The following GALNT18 variants were observed in gnomAD, a reference collection of about 807,000 sequenced individuals.
GALNT18 encodes GalNAc-transferase 18.
A neutral mutation model predicts 69.5 loss-of-function variants in GALNT18; 44 were observed. That is an observed-to-expected ratio of 0.63 (90% CI 0.50 to 0.81). GALNT18 has a LOEUF of 0.81. GALNT18 is among the 40% of genes least tolerant of loss of function. GALNT18 has a pLI of 0.00. For missense variants in GALNT18, 715 were observed against 810.0 expected (o/e 0.88, Z 1.42); for synonymous variants, 364 against 318.2 (o/e 1.14, Z -1.53).
intron 6 of GALNT18, among the ~76,000 whole-genome samples, chr11:11,368,341 T>C (rs1005206252): frequency 1.7e-4 from 26 of 152,228 alleles, no homozygotes; most frequent in African/African-American, 5.5e-4. Context: ...AATCTGAGGA[T>C]TGGTGTCTTT....
At chr11:11,286,816 G>T (rs1230224338) in intron 10 of GALNT18, among the ~76,000 whole-genome samples, 2 of 152,154 alleles carry the variant, frequency 1.3e-5, no homozygotes, top group Non-Finnish European at 2.9e-5. Context: ...GTGATTAAGA[G>T]TGTCATTCTC....
chr11:11,461,045 G>A lies in GALNT18; in HGVS notation c.236-12109C>T, dbSNP rs916144878. Among the ~76,000 whole-genome samples, 9 of 152,170 alleles carry A rather than the reference G, an allele frequency of 5.9e-5. No individual in the cohort carries two copies. The highest frequency in any genetic ancestry group is 2.2e-4 in the African/African-American group (9 of 41,420). On this transcript the variant is annotated intron_variant, in intron 1 of 10. Transcript: ENST00000227756. This position sits in a 1 kb window ranked among gnomAD's most constrained non-coding sequence, Gnocchi z 4.1. ...GGCTAGGACTCAGGAAGGGTGGTGG[G>A]TCCCAGCAAAAGACCAGAGTCAGTT...
intron 1 of GALNT18, among the ~76,000 whole-genome samples, chr11:11,548,261 A>T (rs1392727271): frequency 1.3e-5 from 2 of 152,244 alleles, no homozygotes; most frequent in African/African-American, 4.8e-5. Context: ...GCACAGGCTG[A>T]CATTTCCAAT....
chr11:11,519,404 A>T (rs1857346849), intron 1 of GALNT18, among the ~76,000 whole-genome samples: 1 of 152,144 alleles, frequency 6.6e-6, no homozygotes, highest in Non-Finnish European at 1.5e-5. Context: ...TTGTTCACGG[A>T]AGAGCACAGC....
chr11:11,404,520 C>T lies in GALNT18; in HGVS notation c.596-25256G>A, dbSNP rs1176775307. Among the ~76,000 whole-genome samples the T allele has an allele frequency of 1.3e-5, 2 of 152,132 alleles. No individual in the cohort carries two copies. The highest frequency in any genetic ancestry group is 2.4e-5 in the African/African-American group (1 of 41,420). On this transcript the variant is annotated intron_variant, in intron 3 of 10. Transcript: ENST00000227756. This position sits in a 1 kb window ranked among gnomAD's most constrained non-coding sequence, Gnocchi z 4.5. ...CGCCCAGGGAGTGAGCCAAACATTC[C>T]ATGTTATAGAAGTAAGGAGAGTCAC...
At position 11,438,845 on chromosome 11, in the gene GALNT18, C is replaced by T. The variant is rs562123923; in HGVS notation, c.429-6058G>A. On this transcript the variant is annotated intron_variant, in intron 2 of 10. Coordinates refer to ENST00000227756, the MANE Select transcript of GALNT18 (RefSeq NM_198516.3). Reference sequence around the variant, plus strand: ...ACATGGACAAATACGATCAACACTACTGAGTCTTTGAAGCCCAACATGGTC... The same window carrying T: ...ACATGGACAAATACGATCAACACTATTGAGTCTTTGAAGCCCAACATGGTC... 3.3e-5 allele frequency among the ~76,000 whole-genome samples: 5 copies of T among 152,280 alleles called. No homozygotes were observed. In the South Asian group the frequency reaches 8.3e-4, roughly 25 times the overall value.
chr11:11,617,188 A>T lies in GALNT18; in HGVS notation c.235+4171T>A, dbSNP rs1860075359. 6.6e-6 allele frequency among the ~76,000 whole-genome samples: 1 copy of T among 152,250 alleles called. No homozygotes were observed. The highest frequency in any genetic ancestry group is 1.5e-5 in the Non-Finnish European group (1 of 68,044). On this transcript the variant is annotated intron_variant, in intron 1 of 10. Transcript: ENST00000227756. This position sits in a 1 kb window ranked among gnomAD's most constrained non-coding sequence, Gnocchi z 4.7. ...TAGCAAATGAATGTACATTTTGGAA[A>T]ACATTAAAATAAAAATATTTAATTG...
At chr11:11,300,005 A>G (rs1849466738) in intron 9 of GALNT18, among the ~76,000 whole-genome samples, 1 of 152,256 alleles carries the variant, frequency 6.6e-6, no homozygotes. Flanking sequence ...ACTGAGATGC[A>G]AAAATCATGG....
intron 10 of GALNT18, among the ~76,000 whole-genome samples, chr11:11,272,979 A>G (rs1295613086): frequency 6.6e-6 from 1 of 150,864 alleles, no homozygotes; most frequent in African/African-American, 2.4e-5. Flanking sequence ...ATTGCCTGAG[A>G]AAATGCAAAA....
chr11:11,313,705 G>A (rs777493424), intron 9 of GALNT18, among the ~76,000 whole-genome samples: 1 of 152,126 alleles, frequency 6.6e-6, no homozygotes, highest in Non-Finnish European at 1.5e-5. Context: ...TCCAAACCAG[G>A]TTCTACCACT....
rs1441235432 is a variant in GALNT18, at chr11:11,387,422, A to AG, written c.596-8159dup. Among the ~76,000 whole-genome samples the AG allele has an allele frequency of 6.6e-6, 1 of 152,128 alleles. No homozygotes were observed. The highest frequency in any genetic ancestry group is 2.4e-5 in the African/African-American group (1 of 41,436). ...TGCCACCCCATCCCTCCAGTTGCCCAGGAGGGGAGTGGGAACACCCCACCC... is the reference window on the plus strand; with the variant it reads ...TGCCACCCCATCCCTCCAGTTGCCCAGGGAGGGGAGTGGGAACACCCCACCC... On this transcript the variant is annotated intron_variant, in intron 3 of 10. Coordinates refer to ENST00000227756, the MANE Select transcript of GALNT18 (RefSeq NM_198516.3). The surrounding 1 kb of genome is among the most constrained non-coding windows in gnomAD (Gnocchi z 4.6).
chr11:11,509,844 A>T (rs1435227033), intron 1 of GALNT18, among the ~76,000 whole-genome samples: 1 of 152,244 alleles, frequency 6.6e-6, no homozygotes, highest in Non-Finnish European at 1.5e-5. Flanking sequence ...AAACTGAAAG[A>T]TCCTGTTCAT....
intron 1 of GALNT18, among the ~76,000 whole-genome samples, chr11:11,577,015 T>C (rs988828328): frequency 6.6e-6 from 1 of 152,162 alleles, no homozygotes; most frequent in African/African-American, 2.4e-5. Context: ...TTCCTGCCTT[T>C]GAGACTGTCA....
At chr11:11,551,405 C>A (rs1474160468) in intron 1 of GALNT18, among the ~76,000 whole-genome samples, 3 of 152,156 alleles carry the variant, frequency 2.0e-5, no homozygotes, top group African/African-American at 7.2e-5. Flanking sequence ...GACTTCCCTT[C>A]CACCATTAGA....
chr11:11,450,694 T>C (rs556599376), intron 1 of GALNT18, among the ~76,000 whole-genome samples: 1 of 152,312 alleles, frequency 6.6e-6, no homozygotes, highest in East Asian at 1.9e-4. Context: ...GGGATAACCA[T>C]CAGAGCTAAC....
At chr11:11,279,011 T>C (rs574644442) in intron 10 of GALNT18, among the ~76,000 whole-genome samples, 1 of 152,340 alleles carries the variant, frequency 6.6e-6, no homozygotes, top group African/African-American at 2.4e-5. Flanking sequence ...TCTGGATATT[T>C]GTTGAATGTG....
In GALNT18 at chr11:11,571,500, G is replaced by A. The variant is rs1858792736; in HGVS notation, c.235+49859C>T. Among the ~76,000 whole-genome samples the A allele has an allele frequency of 2.0e-5, 3 of 152,224 alleles. No individual in the cohort carries two copies. In the South Asian group the frequency reaches 6.2e-4, roughly 32 times the overall value. The stretch of plus-strand genomic sequence containing the variant: ...CTCTAGTCCTCTAATGACTAGGTCA[G>A]ATCAAAGTCAGAGTTCCCAGTGAAC... On this transcript the variant is annotated intron_variant, in intron 1 of 10. Coordinates refer to ENST00000227756, the MANE Select transcript of GALNT18 (RefSeq NM_198516.3).
intron 10 of GALNT18, among the ~76,000 whole-genome samples, chr11:11,285,980 T>C (rs1480756433): frequency 6.6e-6 from 1 of 152,118 alleles, no homozygotes; most frequent in Non-Finnish European, 1.5e-5. Flanking sequence ...GTCTTGAAAA[T>C]TTCTCCTTTC....
intron 3 of GALNT18, among the ~76,000 whole-genome samples, chr11:11,431,844 A>C (rs1256859343): frequency 6.6e-6 from 1 of 152,240 alleles, no homozygotes; most frequent in African/African-American, 2.4e-5. Context: ...ATGCATTATC[A>C]GAAATACATT....
Sources: allele counts gnomAD v4.1 joint callset (sites outside exome capture counted in the v4.1 genomes callset), GRCh38; gene constraint gnomAD v4.1.1; non-coding constraint Gnocchi (gnomAD v3.1); transcripts MANE v1.5; gene names NCBI Gene and HGNC (gene_info 2026-07-23, HGNC 2026-07-21).